ATP9B: variants seen among roughly 807,000 people sequenced by gnomAD.
ATP9B encodes the protein probable phospholipid-transporting ATPase IIB.
Under a neutral mutation model 146.1 loss-of-function variants are expected in ATP9B, and 110 were observed. The observed-to-expected ratio is 0.75, with a 90% CI of 0.65 to 0.88. ATP9B has a LOEUF of 0.88. Ranked by LOEUF, ATP9B falls within the 40% of genes least tolerant of loss-of-function variation. The pLI, the probability that ATP9B is intolerant of heterozygous loss-of-function variation, is 0.00. For synonymous variants in ATP9B, 604 were observed against 569.7 expected (o/e 1.06, Z -0.86); for missense variants, 1,499 against 1,496.4 (o/e 1.00, Z -0.03).
At chr18:79,248,322 T>C (rs891814880) in intron 11 of ATP9B, among the ~76,000 whole-genome samples, 4 of 152,250 alleles carry the variant, frequency 2.6e-5, no homozygotes, top group Non-Finnish European at 4.4e-5. Flanking sequence ...GTGCATGAGT[T>C]TCATTTATTT....
chr18:79,108,998 G>A (rs2075832068), intron 2 of ATP9B, among the ~76,000 whole-genome samples: 1 of 152,212 alleles, frequency 6.6e-6, no homozygotes, highest in South Asian at 2.1e-4. Flanking sequence ...TGGCACTCCA[G>A]CATGGGAGAC....
chr18:79,143,697 T>G, intron 5 of ATP9B, 105 bp from the exon 6 acceptor site: 1 of 703,042 alleles, frequency 1.4e-6, no homozygotes, highest in Non-Finnish European at 2.2e-6. Context: ...TTTCTAAAGT[T>G]TTTTTTTCTG....
intron 1 of ATP9B, among the ~76,000 whole-genome samples, chr18:79,093,299 A>G (rs1017268353): frequency 3.3e-5 from 5 of 152,122 alleles, no homozygotes; most frequent in African/African-American, 1.2e-4. Context: ...TTCCTGAAGG[A>G]CATTGTTGCT....
chr18:79,179,606 C>T (rs562389282), intron 8 of ATP9B, among the ~76,000 whole-genome samples: 2 of 152,080 alleles, frequency 1.3e-5, no homozygotes, highest in East Asian at 3.9e-4. Flanking sequence ...GGGATTTTCC[C>T]AATGTCTGGT....
chr18:79,078,625 C>T (rs945147399), intron 1 of ATP9B, among the ~76,000 whole-genome samples: 1 of 150,444 alleles, frequency 6.6e-6, no homozygotes, highest in Non-Finnish European at 1.5e-5. Flanking sequence ...ATATAGTTTA[C>T]ATACATACAA....
chr18:79,377,170 C>CA (rs1038802420), intron 29 of ATP9B, 77 bp from the exon 30 acceptor site: 320 of 1,561,114 alleles, frequency 2.0e-4, no homozygotes, highest in Non-Finnish European at 1.7e-4. Flanking sequence ...GTGGCCTGGC[C>CA]AGGTCTGTGG....
chr18:79,249,024 A>G (rs571153642), intron 11 of ATP9B, among the ~76,000 whole-genome samples: 198 of 152,080 alleles, frequency 1.3e-3, no homozygotes, highest in Non-Finnish European at 2.1e-3. Context: ...GATGGTTTGA[A>G]GTGTTGCTGT....
intron 15 of ATP9B, among the ~76,000 whole-genome samples, chr18:79,322,244 GGT>G (rs1393261643): frequency 6.6e-6 from 1 of 152,206 alleles, no homozygotes; most frequent in Non-Finnish European, 1.5e-5. Flanking sequence ...AAGCCCCGTG[GGT>G]GACACCCTAC....
At chr18:79,151,664 T>C (rs527917169) in intron 6 of ATP9B, among the ~76,000 whole-genome samples, 1 of 152,302 alleles carries the variant, frequency 6.6e-6, no homozygotes, top group East Asian at 1.9e-4. Flanking sequence ...TGCCTTGGCA[T>C]GTTTGCCAGC....
At chr18:79,252,141 A>G (rs772942763) in intron 11 of ATP9B, among the ~76,000 whole-genome samples, 4 of 152,216 alleles carry the variant, frequency 2.6e-5, no homozygotes, top group Non-Finnish European at 5.9e-5. Flanking sequence ...GTGGATTCCA[A>G]TCCAAGTGTG....
At chr18:79,361,727 C>G (rs1276249855) in intron 26 of ATP9B, 1 of 980,922 alleles carries the variant, frequency 1.0e-6, no homozygotes, top group Non-Finnish European at 1.2e-6. Flanking sequence ...GCTTTCTGTT[C>G]CTTCTGAACA....
intron 26 of ATP9B, among the ~76,000 whole-genome samples, chr18:79,365,098 T>C (rs1568836687): frequency 6.6e-6 from 1 of 151,892 alleles, no homozygotes; most frequent in Non-Finnish European, 1.5e-5. Flanking sequence ...TAGAAGGAAA[T>C]ATTTGCATGT....
chr18:79,322,380 A>G (rs1479127069), intron 15 of ATP9B, among the ~76,000 whole-genome samples: 1 of 152,186 alleles, frequency 6.6e-6, no homozygotes, highest in Non-Finnish European at 1.5e-5. Context: ...CCATTGCTGC[A>G]CGGCACACCA....
intron 15 of ATP9B, 200 bp downstream of exon 15, chr18:79,307,434 T>C (rs1026637592): frequency 1.2e-5 from 9 of 728,322 alleles, no homozygotes; most frequent in Admixed American, 6.1e-5. Flanking sequence ...CACATGCAAA[T>C]GTGCGGCCGC....
At position 79,341,648 on chromosome 18, in the gene ATP9B, C is replaced by T. The variant is rs370590580; in HGVS notation, c.2284-620C>T. ...GTGTAGCGTGACCTGTTGAAGCCTG[C>T]GTTGCCAACACACCATTTAGTTGTG... On this transcript the variant is annotated intron_variant, in intron 19 of 29. Coordinates refer to ENST00000426216, the MANE Select transcript of ATP9B (RefSeq NM_198531.5). Among the ~76,000 whole-genome samples the T allele has an allele frequency of 1.6e-3, 206 of 125,642 alleles. 3 individuals carry two copies. Among genetic ancestry groups the T allele is most frequent in the African/African-American group, 6.5e-3 (199 of 30,408 alleles). The allele number at this position is 125,642 out of a possible 152,430, so 82.4% of individuals were successfully genotyped here.
In ATP9B at chr18:79,327,500, T is replaced by C. The variant is rs377673890; in HGVS notation, c.1774-1641T>C. ...TGGTTAGCGTGCTCTCCGTGGTTAG[T>C]GTGCTCTCTCCATGGTTAGCGTGCT... On this transcript the variant is annotated intron_variant, in intron 15 of 29. Transcript: ENST00000426216. Among the ~76,000 whole-genome samples the C allele has an allele frequency of 3.2e-3, 330 of 103,124 alleles. 2 individuals carry two copies. The highest frequency in any genetic ancestry group is 5.7e-3 in the East Asian group (17 of 2,982). The allele number at this position is 103,124 out of a possible 152,430, so 67.7% of individuals were successfully genotyped here.
chr18:79,358,921 G>C (rs1344865352), intron 25 of ATP9B, among the ~76,000 whole-genome samples: 2 of 150,628 alleles, frequency 1.3e-5, no homozygotes, highest in African/African-American at 4.9e-5. Flanking sequence ...GGGTCTGGAG[G>C]TGTCTGTGTG....
In ATP9B at chr18:79,081,000, G is replaced by A. The variant is rs535194242; in HGVS notation, c.119+11471G>A. On this transcript the variant is annotated intron_variant, in intron 1 of 29. Transcript: ENST00000426216. ...GATCATGGTGGATAAGCTTTTTGAT[G>A]TGCTGCTGGATTCGGTTTGCCAGTA... Among the ~76,000 whole-genome samples, 88 of 152,304 alleles carry A rather than the reference G, an allele frequency of 5.8e-4. 1 individual carries two copies. Among genetic ancestry groups the A allele is most frequent in the Middle Eastern group, 3.4e-3 (1 of 294 alleles).
chr18:79,281,537 A>G (rs927521875), intron 13 of ATP9B, among the ~76,000 whole-genome samples: 4 of 152,204 alleles, frequency 2.6e-5, no homozygotes, highest in Non-Finnish European at 5.9e-5. Context: ...ACATACTACA[A>G]AAGAGAAGAG....
Sources: gnomAD v4.1 joint callset for allele counts (sites outside exome capture counted in the v4.1 genomes callset) on GRCh38, gnomAD v4.1.1 for gene constraint, MANE v1.5 for transcripts, NCBI Gene and HGNC (gene_info 2026-07-23, HGNC 2026-07-21) for gene names.